The following NKAIN3 variants were observed in gnomAD, a reference collection of about 807,000 sequenced individuals.
NKAIN3 encodes the protein sodium/potassium transporting ATPase interacting 3.
Under a neutral mutation model 30.2 loss-of-function variants are expected in NKAIN3, and 25 were observed. The observed-to-expected ratio is 0.83, with a 90% CI of 0.60 to 1.16. The LOEUF (loss-of-function observed/expected upper bound fraction) is 1.16. Among genes scored for constraint, NKAIN3 ranks in the 50% most tolerant of loss-of-function variants. The pLI, the probability that NKAIN3 is intolerant of heterozygous loss-of-function variation, is 0.00. For missense variants in NKAIN3, 225 were observed against 254.1 expected (o/e 0.89, Z 0.78); for synonymous variants, 91 against 89.6 (o/e 1.02, Z -0.09).
chr8:62,787,598 A>G (rs942166150), intron 4 of NKAIN3, among the ~76,000 whole-genome samples: 1 of 152,194 alleles, frequency 6.6e-6, no homozygotes, highest in African/African-American at 2.4e-5. Flanking sequence ...TTACATATGT[A>G]TACATGTGCC....
At chr8:62,659,198 C>T (rs913828328) in intron 3 of NKAIN3, among the ~76,000 whole-genome samples, 2 of 152,180 alleles carry the variant, frequency 1.3e-5, no homozygotes, top group Non-Finnish European at 2.9e-5. Flanking sequence ...TTGCTCTTCT[C>T]TACTGAGCTG....
At chr8:62,629,756 CAT>C (rs1811898133) in intron 3 of NKAIN3, among the ~76,000 whole-genome samples, 1 of 152,226 alleles carries the variant, frequency 6.6e-6, no homozygotes, top group East Asian at 1.9e-4. Context: ...TTTGGGGTAA[CAT>C]ATGCTTTTTT....
At chr8:62,809,361 G>A (rs1271364459) in intron 4 of NKAIN3, among the ~76,000 whole-genome samples, 1 of 152,166 alleles carries the variant, frequency 6.6e-6, no homozygotes, top group Non-Finnish European at 1.5e-5. Flanking sequence ...ATTGATTGGG[G>A]AAGTGATAAT....
intron 1 of NKAIN3, among the ~76,000 whole-genome samples, chr8:62,505,514 A>G (rs987381508): frequency 6.6e-6 from 1 of 152,178 alleles, no homozygotes; most frequent in African/African-American, 2.4e-5. Context: ...TAAATATAGA[A>G]GCATGGTTTT....
At chr8:62,707,780 T>C (rs1026759480) in intron 3 of NKAIN3, among the ~76,000 whole-genome samples, 5 of 152,172 alleles carry the variant, frequency 3.3e-5, no homozygotes, top group Non-Finnish European at 7.4e-5. Context: ...TTTTGGGTCC[T>C]CCATCATGAA....
chr8:62,518,454 C>T (rs974209940), intron 1 of NKAIN3, among the ~76,000 whole-genome samples: 11 of 152,134 alleles, frequency 7.2e-5, no homozygotes, highest in African/African-American at 2.2e-4. Context: ...TATCCATTTT[C>T]ACACTGCCAA....
At chr8:62,839,292 T>A (rs1819460106) in intron 4 of NKAIN3, among the ~76,000 whole-genome samples, 1 of 151,102 alleles carries the variant, frequency 6.6e-6, no homozygotes. Context: ...TTTTAGAGGA[T>A]TTGCCTACAT....
chr8:62,778,561 C>T (rs1817257284), intron 4 of NKAIN3, among the ~76,000 whole-genome samples: 1 of 152,128 alleles, frequency 6.6e-6, no homozygotes, highest in African/African-American at 2.4e-5. Context: ...TCCTAAGTCA[C>T]CTTGTAGTGA....
chr8:62,393,952 T>C (rs1053652499), intron 1 of NKAIN3, among the ~76,000 whole-genome samples: 19 of 152,186 alleles, frequency 1.2e-4, no homozygotes, highest in Admixed American at 1.2e-3. Context: ...ATCTTGAGAA[T>C]GTGTTAGACT....
At chr8:62,907,824 G>A (rs1162825531) in intron 4 of NKAIN3, among the ~76,000 whole-genome samples, 1 of 152,242 alleles carries the variant, frequency 6.6e-6, no homozygotes, top group East Asian at 1.9e-4. Context: ...CAGGAGCACA[G>A]CCCTCAAGGA....
At chr8:62,443,064 A>T (rs548265529) in intron 1 of NKAIN3, among the ~76,000 whole-genome samples, 71 of 152,090 alleles carry the variant, frequency 4.7e-4, no homozygotes, top group Admixed American at 5.2e-4. Flanking sequence ...GTCTGATATA[A>T]AATTAGGCAT....
intron 1 of NKAIN3, among the ~76,000 whole-genome samples, chr8:62,376,432 T>C (rs1171355638): frequency 6.6e-6 from 1 of 152,224 alleles, no homozygotes; most frequent in African/African-American, 2.4e-5. Context: ...GCTTATCATC[T>C]AAATGCTGTC....
intron 5 of NKAIN3, among the ~76,000 whole-genome samples, chr8:62,929,908 A>G (rs1822566882): frequency 1.3e-5 from 2 of 152,144 alleles, no homozygotes; most frequent in Non-Finnish European, 2.9e-5. Flanking sequence ...GTGCGGCCCA[A>G]GACAATTCTT....
At chr8:62,501,364 A>G (rs898424671) in intron 1 of NKAIN3, among the ~76,000 whole-genome samples, 4 of 152,174 alleles carry the variant, frequency 2.6e-5, no homozygotes, top group African/African-American at 9.7e-5. Flanking sequence ...TAGGAACAGA[A>G]TAATCTAGGA....
intron 4 of NKAIN3, among the ~76,000 whole-genome samples, chr8:62,917,374 C>T (rs946005139): frequency 6.6e-6 from 1 of 152,208 alleles, no homozygotes; most frequent in African/African-American, 2.4e-5. Context: ...GTGGGAGGAA[C>T]CATCAGCACC....
chr8:62,367,573 T>C (rs1417121553), intron 1 of NKAIN3, among the ~76,000 whole-genome samples: 1 of 152,154 alleles, frequency 6.6e-6, no homozygotes, highest in African/African-American at 2.4e-5. Flanking sequence ...TATGTAAGGA[T>C]TGCACCTTAC....
chr8:62,933,853 A>C (rs533512917), intron 5 of NKAIN3, among the ~76,000 whole-genome samples: 1 of 152,332 alleles, frequency 6.6e-6, no homozygotes, highest in South Asian at 2.1e-4. Flanking sequence ...TGAGCCCAAC[A>C]ATACTGACAC....
chr8:62,476,441 G>GA (rs1806520446), intron 1 of NKAIN3, among the ~76,000 whole-genome samples: 1 of 145,896 alleles, frequency 6.9e-6, no homozygotes, highest in Non-Finnish European at 1.5e-5. Context: ...ATTTTTTGTA[G>GA]TTTTTTTTTT....
At chr8:62,989,342 T>A (rs1824269623), downstream of NKAIN3, among the ~76,000 whole-genome samples, 1 of 152,146 alleles carries the variant, frequency 6.6e-6, no homozygotes, top group Non-Finnish European at 1.5e-5. Context: ...TTATAAAAAA[T>A]ACCAGGTTTA....
Sources: gnomAD v4.1 joint callset for allele counts (sites outside exome capture counted in the v4.1 genomes callset) on GRCh38, gnomAD v4.1.1 for gene constraint, MANE v1.5 for transcripts, NCBI Gene and HGNC (gene_info 2026-07-23, HGNC 2026-07-21) for gene names.